CHRNA7: variants seen among roughly 807,000 people sequenced by gnomAD.
CHRNA7 encodes the protein neuronal acetylcholine receptor subunit alpha-7.
A neutral mutation model predicts 48.0 loss-of-function variants in CHRNA7; 17 were observed. The observed-to-expected ratio is 0.35, with a 90% CI of 0.24 to 0.53. The LOEUF (loss-of-function observed/expected upper bound fraction) is 0.53. Among genes scored for constraint, CHRNA7 ranks in the 20% least tolerant of loss-of-function variants. CHRNA7 has a pLI of 0.92. For synonymous variants in CHRNA7, 75 were observed against 242.3 expected (o/e 0.31, Z 6.41); for missense variants, 155 against 577.7 (o/e 0.27, Z 7.50).
intron 2 of CHRNA7, among the ~76,000 whole-genome samples, chr15:32,091,520 A>G (rs2050381614): frequency 6.6e-6 from 1 of 152,180 alleles, no homozygotes; most frequent in African/African-American, 2.4e-5. Flanking sequence ...AAGAAGGCTG[A>G]TACATTTTCA....
chr15:32,115,614 C>T (rs2050856548), intron 4 of CHRNA7, among the ~76,000 whole-genome samples: 1 of 152,220 alleles, frequency 6.6e-6, no homozygotes, highest in South Asian at 2.1e-4. Flanking sequence ...ATGCCCACCC[C>T]TTAACTCCCA....
chr15:32,064,753 C>G (rs189244566), intron 2 of CHRNA7, among the ~76,000 whole-genome samples: 2 of 152,096 alleles, frequency 1.3e-5, no homozygotes, highest in Admixed American at 6.6e-5. Context: ...GGCTGGGGGT[C>G]ATGCATTCTT....
At chr15:32,142,248 C>G (rs1037439204) in intron 4 of CHRNA7, among the ~76,000 whole-genome samples, 2 of 152,108 alleles carry the variant, frequency 1.3e-5, no homozygotes, top group African/African-American at 4.8e-5. Context: ...ATTGAACCAG[C>G]CTTGCATCCC....
Position 32,049,713 on chromosome 15 carries a change from T to C in CHRNA7, c.195+18676T>C, listed in dbSNP as rs371409358. ...TATGATGTTAGCTGGTTATTTTGCT[T>C]GTTAGTTGATGCAGTTTCTTCCTAG... On this transcript the variant is annotated intron_variant, in intron 2 of 9. Coordinates refer to ENST00000306901, the MANE Select transcript of CHRNA7 (RefSeq NM_000746.6). Among the ~76,000 whole-genome samples the C allele has an allele frequency of 5.3e-3, 810 of 152,240 alleles. 10 individuals carry two copies. The East Asian group carries it at 0.069, about 13-fold the overall frequency.
At chr15:32,080,227 G>T (rs922352735) in intron 2 of CHRNA7, among the ~76,000 whole-genome samples, 2 of 152,088 alleles carry the variant, frequency 1.3e-5, no homozygotes, top group Non-Finnish European at 2.9e-5. Context: ...TATCATTCAG[G>T]ACGTAGGCAT....
intron 2 of CHRNA7, among the ~76,000 whole-genome samples, chr15:32,052,176 A>G (rs144182038): frequency 5.3e-4 from 78 of 148,148 alleles, no homozygotes; most frequent in Middle Eastern, 3.4e-3. Context: ...CTCTATTAGT[A>G]TTCTGGTGCC....
chr15:32,069,513 A>G (rs1181641003), intron 2 of CHRNA7, among the ~76,000 whole-genome samples: 4 of 151,922 alleles, frequency 2.6e-5, no homozygotes, highest in Non-Finnish European at 4.4e-5. Flanking sequence ...TGGGTGCAGT[A>G]GTGAATGGCT....
chr15:32,085,240 G>A (rs955900230), intron 2 of CHRNA7, among the ~76,000 whole-genome samples: 2 of 152,126 alleles, frequency 1.3e-5, no homozygotes, highest in African/African-American at 4.8e-5. Context: ...TCCTGCCTTT[G>A]AGATAATTTA....
At chr15:32,054,996 T>C (rs2141195036) in intron 2 of CHRNA7, among the ~76,000 whole-genome samples, 1 of 152,338 alleles carries the variant, frequency 6.6e-6, no homozygotes, top group African/African-American at 2.4e-5. Flanking sequence ...CCAATTAGCA[T>C]TCCCACCAGC....
chr15:32,057,471 G>T (rs1281809696), intron 2 of CHRNA7, among the ~76,000 whole-genome samples: 1 of 152,178 alleles, frequency 6.6e-6, no homozygotes, highest in Non-Finnish European at 1.5e-5. Flanking sequence ...ATTAGGTAAT[G>T]AACATTTTGG....
At chr15:32,101,597 T>C (rs1212715472) in intron 3 of CHRNA7, 2 of 457,278 alleles carry the variant, frequency 4.4e-6, no homozygotes, top group African/African-American at 4.1e-5. Flanking sequence ...GTGGGGACAC[T>C]TCAGAAGCAC....
intron 4 of CHRNA7, among the ~76,000 whole-genome samples, chr15:32,119,963 T>G (rs1055875871): frequency 2.6e-5 from 4 of 152,184 alleles, no homozygotes; most frequent in African/African-American, 9.7e-5. Context: ...TTACTGAAGG[T>G]CCCATGCACT....
intron 3 of CHRNA7, among the ~76,000 whole-genome samples, chr15:32,104,821 T>C (rs995750821): frequency 6.6e-6 from 1 of 152,204 alleles, no homozygotes; most frequent in African/African-American, 2.4e-5. Context: ...CTTCCCTTTT[T>C]AATTAAAGTT....
intron 4 of CHRNA7, among the ~76,000 whole-genome samples, chr15:32,150,150 C>T (rs565827904): frequency 5.9e-5 from 9 of 152,248 alleles, no homozygotes; most frequent in African/African-American, 2.2e-4. Context: ...CTCCTGGGCT[C>T]AACTAATCCT....
At chr15:32,088,607 T>C (rs1436744051) in intron 2 of CHRNA7, among the ~76,000 whole-genome samples, 1 of 152,178 alleles carries the variant, frequency 6.6e-6, no homozygotes, top group African/African-American at 2.4e-5. Flanking sequence ...ATGTGAACTT[T>C]TCAGATTTTA....
chr15:32,040,581 C>CGT (rs1392200989), intron 2 of CHRNA7, among the ~76,000 whole-genome samples: 112 of 122,614 alleles, frequency 9.1e-4, no homozygotes, highest in African/African-American at 1.4e-3. Context: ...TTATAAGGTG[C>CGT]GTGTGTGTGT....
chr15:32,088,276 A>G (rs1254539340), intron 2 of CHRNA7, among the ~76,000 whole-genome samples: 1 of 152,098 alleles, frequency 6.6e-6, no homozygotes, highest in East Asian at 1.9e-4. Context: ...AGCTCATTTC[A>G]TTTTATACTT....
At chr15:32,035,050 C>G (rs1902017814) in intron 2 of CHRNA7, among the ~76,000 whole-genome samples, 1 of 152,196 alleles carries the variant, frequency 6.6e-6, no homozygotes, top group African/African-American at 2.4e-5. Flanking sequence ...TGATCTATAA[C>G]TGTGTGTATA....
chr15:32,121,766 T>C lies in CHRNA7; in HGVS notation c.350+9867T>C, dbSNP rs78481552. On this transcript the variant is annotated intron_variant, in intron 4 of 9. Transcript: ENST00000306901. ...AGATGGGGCATTTCATGGAAAGATATGTAAGTTAGGTCATATGGCACAGGG... is the reference window on the plus strand; with the variant it reads ...AGATGGGGCATTTCATGGAAAGATACGTAAGTTAGGTCATATGGCACAGGG... 7.8e-3 allele frequency among the ~76,000 whole-genome samples: 1,186 copies of C among 152,230 alleles called. 6 individuals carry two copies. Among genetic ancestry groups the C allele is most frequent in the Middle Eastern group, 0.017 (5 of 294 alleles).
Sources: gnomAD v4.1 joint callset for allele counts (sites outside exome capture counted in the v4.1 genomes callset) on GRCh38, gnomAD v4.1.1 for gene constraint, MANE v1.5 for transcripts, NCBI Gene and HGNC (gene_info 2026-07-23, HGNC 2026-07-21) for gene names.